VSTM2L: variants seen among roughly 807,000 people sequenced by gnomAD.
VSTM2L encodes the protein V-set and transmembrane domain containing 2 like.
In VSTM2L, 9 loss-of-function variants were observed where a neutral mutation model predicts 19.9. That is an observed-to-expected ratio of 0.45 (90% CI 0.27 to 0.79). The LOEUF (loss-of-function observed/expected upper bound fraction) is 0.79. Ranked by LOEUF, VSTM2L falls within the 30% of genes least tolerant of loss-of-function variation. The pLI is 0.15. For missense variants in VSTM2L, 286 were observed against 295.5 expected (o/e 0.97, Z 0.24); for synonymous variants, 127 against 133.8 (o/e 0.95, Z 0.35).
chr20:37,917,705 C>T (rs1440268239), intron 1 of VSTM2L, among the ~76,000 whole-genome samples: 2 of 152,196 alleles, frequency 1.3e-5, no homozygotes, highest in Non-Finnish European at 2.9e-5. Flanking sequence ...CCCCCTGGCC[C>T]CTTCCCCTGT....
At position 37,944,010 on chromosome 20, in the gene VSTM2L, C is replaced by T; in HGVS notation, c.372C>T (p.Ser124=). 6.3e-7 allele frequency: 1 copy of T among 1,595,334 alleles called. No homozygotes were observed. The highest frequency in any genetic ancestry group is 8.6e-7 in the Non-Finnish European group (1 of 1,166,034). Residue 124 remains serine, a synonymous_variant, in exon 4 of 4, where the codon TCC becomes TCT. Transcript: ENST00000373461. ...TCAAGGTGGTGGGCAGCAACATCTCCCACAAGCTGCGCCTGTCCCGGGTGA... is the reference window on the plus strand; with the variant it reads ...TCAAGGTGGTGGGCAGCAACATCTCTCACAAGCTGCGCCTGTCCCGGGTGA... The part of the protein sequence containing the change: ...SVVKVVGSNI[S]HKLRLSRVKP...
chr20:37,913,998 G>C (rs1302469976), intron 1 of VSTM2L, among the ~76,000 whole-genome samples: 1 of 152,098 alleles, frequency 6.6e-6, no homozygotes, highest in Non-Finnish European at 1.5e-5. Context: ...AGGAGAGGCT[G>C]CTCCCGGGAA....
intron 3 of VSTM2L, among the ~76,000 whole-genome samples, chr20:37,943,678 G>C (rs1004851219): frequency 6.6e-6 from 1 of 151,984 alleles, no homozygotes; most frequent in African/African-American, 2.4e-5. Context: ...AGCAGTGAGA[G>C]CTTTCCCTCT....
intron 1 of VSTM2L, among the ~76,000 whole-genome samples, chr20:37,912,387 G>C (rs531429297): frequency 3.9e-5 from 6 of 152,250 alleles, no homozygotes; most frequent in Non-Finnish European, 7.3e-5. Flanking sequence ...TAGGCTCTGC[G>C]TCTGGGTCCA....
chr20:37,909,000 G>A (rs182880028), intron 1 of VSTM2L, among the ~76,000 whole-genome samples: 3 of 152,266 alleles, frequency 2.0e-5, no homozygotes, highest in Non-Finnish European at 2.9e-5. Flanking sequence ...CTTACCCAAG[G>A]TCACACACCT....
At chr20:37,924,340 G>A (rs2072868211) in intron 1 of VSTM2L, among the ~76,000 whole-genome samples, 1 of 152,066 alleles carries the variant, frequency 6.6e-6, no homozygotes, top group South Asian at 2.1e-4. Context: ...ATCACCTGAG[G>A]TCAGGAGTTT....
Position 37,903,932 on chromosome 20 carries a change from GACACACTGGTGCGCGCGCGCGCACAC to G in VSTM2L, c.121+468_121+493del, listed in dbSNP as rs1335631937. On this transcript the variant is annotated intron_variant, in intron 1 of 3. Coordinates refer to ENST00000373461, the MANE Select transcript of VSTM2L (RefSeq NM_080607.3). Reference sequence around the variant, plus strand: ...CACAACTCTTGCCTGCCCACCTGCAGACACACTGGTGCGCGCGCGCGCACACACACACAGGCACACACATACACACA... The same window carrying G: ...CACAACTCTTGCCTGCCCACCTGCAGACACACAGGCACACACATACACACA... 3.3e-5 allele frequency among the ~76,000 whole-genome samples: 5 copies of G among 152,258 alleles called. No individual in the cohort carries two copies. In the East Asian group the frequency reaches 9.7e-4, roughly 30 times the overall value.
chr20:37,921,786 G>A (rs1172656695), intron 1 of VSTM2L, among the ~76,000 whole-genome samples: 1 of 151,296 alleles, frequency 6.6e-6, no homozygotes, highest in African/African-American at 2.4e-5. Flanking sequence ...GATATTCTGG[G>A]AACAAGTTCA....
intron 1 of VSTM2L, among the ~76,000 whole-genome samples, chr20:37,911,409 C>T (rs1395236750): frequency 1.3e-5 from 2 of 152,166 alleles, no homozygotes. Context: ...AGATTTCTGC[C>T]TTATTTCCCA....
At chr20:37,937,306 A>C (rs1219260217) in intron 3 of VSTM2L, among the ~76,000 whole-genome samples, 1 of 152,134 alleles carries the variant, frequency 6.6e-6, no homozygotes, top group Admixed American at 6.5e-5. Flanking sequence ...CATGACGAGC[A>C]CTTTATATGA....
chr20:37,928,618 G>T (rs1028754911), intron 1 of VSTM2L, among the ~76,000 whole-genome samples: 1 of 152,212 alleles, frequency 6.6e-6, no homozygotes, highest in Non-Finnish European at 1.5e-5. Context: ...AGTTGGGCAT[G>T]GTGGCTCGTG....
chr20:37,937,785 G>A (rs935223749), intron 3 of VSTM2L, among the ~76,000 whole-genome samples: 1 of 152,182 alleles, frequency 6.6e-6, no homozygotes, highest in African/African-American at 2.4e-5. Flanking sequence ...AATTACAACT[G>A]TGACCAAAAT....
At chr20:37,931,542 C>A in intron 1 of VSTM2L, 93 bp from the exon 2 acceptor site, 2 of 1,371,578 alleles carry the variant, frequency 1.5e-6, no homozygotes, top group South Asian at 1.4e-5. Flanking sequence ...CCCCGCCGTG[C>A]AGGGCCAGCT....
intron 1 of VSTM2L, among the ~76,000 whole-genome samples, chr20:37,921,589 A>G (rs1161308118): frequency 6.6e-6 from 1 of 152,158 alleles, no homozygotes; most frequent in Non-Finnish European, 1.5e-5. Flanking sequence ...TCCATCTTCA[A>G]TTCTAGTTGG....
At chr20:37,914,431 T>TA (rs375029553) in intron 1 of VSTM2L, among the ~76,000 whole-genome samples, 2 of 726 alleles carry the variant, frequency 2.8e-3, no homozygotes, top group African/African-American at 5.6e-3. Flanking sequence ...TATGTGTGTA[T>TA]TGTGTGTATG....
At chr20:37,924,171 T>C (rs2072867288) in intron 1 of VSTM2L, among the ~76,000 whole-genome samples, 2 of 152,220 alleles carry the variant, frequency 1.3e-5, no homozygotes, top group African/African-American at 4.8e-5. Context: ...CAGGAGTCCA[T>C]GGCTGCGATG....
At chr20:37,905,205 C>T (rs981229675) in intron 1 of VSTM2L, among the ~76,000 whole-genome samples, 1 of 152,146 alleles carries the variant, frequency 6.6e-6, no homozygotes, top group African/African-American at 2.4e-5. Context: ...TCCGCTCAGT[C>T]CCTTGGCACA....
chr20:37,932,430 A>G (rs1445221625), intron 2 of VSTM2L, among the ~76,000 whole-genome samples: 3 of 152,052 alleles, frequency 2.0e-5, no homozygotes, highest in African/African-American at 7.2e-5. Flanking sequence ...CTCTGGACAC[A>G]AGAGCCTGCT....
At chr20:37,907,029 A>AT (rs1212647950) in intron 1 of VSTM2L, among the ~76,000 whole-genome samples, 1 of 152,108 alleles carries the variant, frequency 6.6e-6, no homozygotes, top group East Asian at 1.9e-4. Flanking sequence ...CCCCCAGGGA[A>AT]TTTTTTACAA....
Sources: allele counts gnomAD v4.1 joint callset (sites outside exome capture counted in the v4.1 genomes callset), GRCh38; gene constraint gnomAD v4.1.1; transcripts MANE v1.5; gene names NCBI Gene and HGNC (gene_info 2026-07-23, HGNC 2026-07-21).